CDH18: variants seen among roughly 807,000 people sequenced by gnomAD.
The protein encoded by CDH18 is cadherin-18.
A neutral mutation model predicts 67.9 loss-of-function variants in CDH18; 31 were observed. The ratio of observed to expected loss-of-function variants is 0.46; its 90% CI spans 0.34 to 0.62. The LOEUF (loss-of-function observed/expected upper bound fraction) is 0.62, where lower values mean the gene tolerates loss of function less well. Ranked by LOEUF, CDH18 falls within the 20% of genes least tolerant of loss-of-function variation. The probability of loss-of-function intolerance (pLI) is 0.01; values close to 1 mark genes in which losing one functional copy is unlikely to be tolerated. For synonymous variants in CDH18, 362 were observed against 347.2 expected (o/e 1.04, Z -0.48); for missense variants, 890 against 975.5 (o/e 0.91, Z 1.17).
intron 1 of CDH18, among the ~76,000 whole-genome samples, chr5:20,444,268 T>C (rs1749838833): frequency 6.6e-6 from 1 of 152,256 alleles, no homozygotes; most frequent in Non-Finnish European, 1.5e-5. Context: ...ATCCTCAGAA[T>C]CTGCATGAAT....
At chr5:19,716,746 T>G (rs967984775) in intron 5 of CDH18, among the ~76,000 whole-genome samples, 9 of 152,146 alleles carry the variant, frequency 5.9e-5, no homozygotes, top group African/African-American at 2.2e-4. Flanking sequence ...TAAAAAAATG[T>G]GGTATGCTCT....
chr5:20,438,712 A>T (rs976128829), intron 1 of CDH18, among the ~76,000 whole-genome samples: 5 of 151,394 alleles, frequency 3.3e-5, no homozygotes, highest in African/African-American at 4.9e-5. Context: ...TGAAAGTAGA[A>T]GGCTGCTACA....
At chr5:19,631,898 T>C (rs1752470840) in intron 5 of CDH18, among the ~76,000 whole-genome samples, 1 of 152,182 alleles carries the variant, frequency 6.6e-6, no homozygotes, top group African/African-American at 2.4e-5. Flanking sequence ...GTTATATCTG[T>C]AGACTAATTT....
chr5:19,975,574 T>C (rs1401372600), intron 2 of CDH18, among the ~76,000 whole-genome samples: 2 of 152,192 alleles, frequency 1.3e-5, no homozygotes, highest in Non-Finnish European at 2.9e-5. Context: ...TTATTTTAAA[T>C]ATTTTATGTC....
In CDH18 at chr5:19,942,505, G is replaced by A. The variant is rs140924468; in HGVS notation, c.-257+38555C>T. ...CCTATAAAATATTCAAATTTACCAC[G>A]GAAAATATGTCCATTCTACAAATCC... On this transcript the variant is annotated intron_variant, in intron 2 of 12. Coordinates refer to ENST00000382275, the MANE Select transcript of CDH18 (RefSeq NM_004934.5). Among the ~76,000 whole-genome samples, 46 of 152,138 alleles carry A rather than the reference G, an allele frequency of 3.0e-4. 3 individuals carry two copies. The East Asian group carries it at 8.2e-3, about 27-fold the overall frequency.
intron 2 of CDH18, among the ~76,000 whole-genome samples, chr5:20,122,610 C>T (rs899499604): frequency 2.0e-5 from 3 of 151,674 alleles, no homozygotes; most frequent in Admixed American, 1.3e-4. Context: ...AATGCCTCAA[C>T]TTATTATAAG....
chr5:20,164,514 A>G, intron 2 of CDH18, among the ~76,000 whole-genome samples: 1 of 104,200 alleles, frequency 9.6e-6, no homozygotes, highest in South Asian at 3.0e-4. Context: ...ACCTCAGGTG[A>G]TCCGTCCAGG....
At chr5:20,447,808 T>C (rs1235464532) in intron 1 of CDH18, among the ~76,000 whole-genome samples, 1 of 152,218 alleles carries the variant, frequency 6.6e-6, no homozygotes, top group Admixed American at 6.5e-5. Context: ...TACTCACACA[T>C]GAGTTATCCT....
At chr5:19,633,660 C>T (rs1379393894) in intron 5 of CDH18, among the ~76,000 whole-genome samples, 1 of 151,962 alleles carries the variant, frequency 6.6e-6, no homozygotes, top group Non-Finnish European at 1.5e-5. Context: ...GACAGGGTCT[C>T]TCTCTCTCAC....
intron 1 of CDH18, among the ~76,000 whole-genome samples, chr5:20,309,815 A>G (rs912906883): frequency 1.3e-5 from 2 of 152,194 alleles, no homozygotes; most frequent in African/African-American, 4.8e-5. Flanking sequence ...ACTGTTATTA[A>G]TTTCACATGC....
intron 9 of CDH18, 88 bp from the exon 10 acceptor site, chr5:19,520,866 T>A: frequency 7.1e-7 from 1 of 1,406,222 alleles, no homozygotes; most frequent in African/African-American, 1.5e-5. Flanking sequence ...CTGTAGCTTG[T>A]CACTGGTTCC....
intron 2 of CDH18, among the ~76,000 whole-genome samples, chr5:19,894,249 A>T (rs1789066844): frequency 6.6e-6 from 1 of 152,056 alleles, no homozygotes; most frequent in Non-Finnish European, 1.5e-5. Context: ...ATGTAAACAT[A>T]TCAAAAATTT....
chr5:19,513,761 T>A (rs72743581), intron 10 of CDH18, among the ~76,000 whole-genome samples: 172 of 152,268 alleles, frequency 1.1e-3, no homozygotes, highest in Non-Finnish European at 1.8e-3. Context: ...ATTTACATTA[T>A]CATTTCATGG....
At chr5:19,999,172 T>C (rs1266462044) in intron 2 of CDH18, among the ~76,000 whole-genome samples, 1 of 152,096 alleles carries the variant, frequency 6.6e-6, no homozygotes, top group African/African-American at 2.4e-5. Flanking sequence ...ATGCCAGACC[T>C]GTTTCTCATT....
intron 3 of CDH18, among the ~76,000 whole-genome samples, chr5:19,829,157 A>G (rs2149984696): frequency 6.6e-6 from 1 of 152,296 alleles, no homozygotes; most frequent in African/African-American, 2.4e-5. Flanking sequence ...AGACCAAAAC[A>G]AACATGACCA....
upstream of CDH18, among the ~76,000 whole-genome samples, chr5:19,991,162 T>C (rs1165016799): frequency 6.6e-6 from 1 of 152,192 alleles, no homozygotes; most frequent in Non-Finnish European, 1.5e-5. Flanking sequence ...TGGCATCTCA[T>C]GCTTAATTTT....
chr5:20,566,908 G>C (rs1344841551), intron 1 of CDH18, among the ~76,000 whole-genome samples: 1 of 152,148 alleles, frequency 6.6e-6, no homozygotes, highest in Non-Finnish European at 1.5e-5. Flanking sequence ...AATTGGAAAA[G>C]CGATTGCATA....
intron 1 of CDH18, among the ~76,000 whole-genome samples, chr5:20,306,522 A>G (rs953501673): frequency 1.3e-5 from 2 of 151,706 alleles, no homozygotes; most frequent in African/African-American, 4.8e-5. Flanking sequence ...TGCCTCAACA[A>G]ATGGCTGCAT....
intron 8 of CDH18, among the ~76,000 whole-genome samples, chr5:19,544,975 G>A (rs1736068208): frequency 6.6e-6 from 1 of 151,994 alleles, no homozygotes; most frequent in South Asian, 2.1e-4. Context: ...GTTAGACACA[G>A]CTTTTTTTTA....
Sources: gnomAD v4.1 joint callset for allele counts (sites outside exome capture counted in the v4.1 genomes callset) on GRCh38, gnomAD v4.1.1 for gene constraint, MANE v1.5 for transcripts, NCBI Gene and HGNC (gene_info 2026-07-23, HGNC 2026-07-21) for gene names.